The following USP50 variants were observed in gnomAD, a reference collection of about 807,000 sequenced individuals.
The protein encoded by USP50 is ubiquitin specific peptidase 50, also known as ubiquitin carboxyl-terminal hydrolase 50.
In USP50, 37 loss-of-function variants were observed where a neutral mutation model predicts 39.2. That is an observed-to-expected ratio of 0.94 (90% CI 0.73 to 1.24). The LOEUF is 1.24. USP50 is among the 50% of genes most tolerant of loss of function. USP50 has a pLI of 0.00. For synonymous variants in USP50, 139 were observed against 144.5 expected (o/e 0.96, Z 0.27); for missense variants, 374 against 398.2 (o/e 0.94, Z 0.52).
At chr15:50,511,109 T>C (rs2052733993) in intron 6 of USP50, 1 of 152,216 alleles carries the variant, frequency 6.6e-6, no homozygotes, top group South Asian at 2.1e-4. Flanking sequence ...TACAATTCTT[T>C]CAGATTTTCT....
intron 6 of USP50, chr15:50,505,213 A>G (rs1048860016): frequency 1.3e-5 from 2 of 152,162 alleles, no homozygotes; most frequent in Non-Finnish European, 2.9e-5. Flanking sequence ...TAGGAAATGC[A>G]GCGAGCCAGG....
At chr15:50,520,947 A>G (rs2052845181) in intron 6 of USP50, among the ~76,000 whole-genome samples, 1 of 152,224 alleles carries the variant, frequency 6.6e-6, no homozygotes, top group Admixed American at 6.5e-5. Context: ...TATTATTTGT[A>G]TATTTCAAAA....
At chr15:50,502,478 C>G (rs1046443079) in intron 6 of USP50, 1 of 152,378 alleles carries the variant, frequency 6.6e-6, no homozygotes, top group African/African-American at 2.4e-5. Context: ...AAGCTCTTCT[C>G]CTGCCTCAGC....
downstream of USP50, among the ~76,000 whole-genome samples, chr15:50,496,432 G>A (rs1249823473): frequency 1.4e-5 from 2 of 142,686 alleles, no homozygotes; most frequent in African/African-American, 5.3e-5. Flanking sequence ...AGTGAGCTGA[G>A]ATCTCGCCAC....
At chr15:50,523,773 GA>G (rs1156489465) in intron 6 of USP50, among the ~76,000 whole-genome samples, 1 of 152,082 alleles carries the variant, frequency 6.6e-6, no homozygotes, top group South Asian at 2.1e-4. Flanking sequence ...TACAGAAATA[GA>G]AAAAAATCCT....
intron 1 of USP50, among the ~76,000 whole-genome samples, chr15:50,494,453 T>G (rs1451106941): frequency 6.6e-6 from 1 of 152,260 alleles, no homozygotes; most frequent in South Asian, 2.1e-4. Context: ...TTGAAGCATA[T>G]ACAGTTGGTA....
In USP50 at chr15:50,541,176, G is replaced by A. The variant is rs2053026595; in HGVS notation, c.533C>T (p.Thr178Ile). ...ATTGAGCTGCTCTTCAAACAGCTGGGTGATGATGGATGTCTCAGTGGTAAT... is the reference window on the plus strand; with the variant it reads ...ATTGAGCTGCTCTTCAAACAGCTGGATGATGATGGATGTCTCAGTGGTAAT... ...KWITTETSII[T>I]QLFEEQLNYS... The change falls in exon 4 of 7, where the codon ACC becomes ATC. Residue 178 changes from threonine (T) to isoleucine (I), a missense_variant. Thr to Ile is a moderately conservative substitution (Grantham distance 89). Coordinates refer to ENST00000532404, the MANE Select transcript of USP50 (RefSeq NM_203494.5). The A allele has an allele frequency of 6.2e-7, 1 of 1,613,764 alleles. No homozygotes were observed. Among genetic ancestry groups the A allele is most frequent in the Admixed American group, 1.7e-5 (1 of 59,988 alleles).
chr15:50,496,982 T>C (rs1363917001), downstream of USP50: 3 of 1,366,584 alleles, frequency 2.2e-6, no homozygotes, highest in African/African-American at 3.0e-5. Flanking sequence ...TTGTGTAGAT[T>C]GCTGTTGAAT....
intron 3 of USP50, among the ~76,000 whole-genome samples, chr15:50,541,498 G>A (rs2053029836): frequency 6.6e-6 from 1 of 151,984 alleles, no homozygotes. Context: ...GGGTGACAGA[G>A]TGAGACCATG....
chr15:50,535,292 G>A (rs950507419), intron 5 of USP50, among the ~76,000 whole-genome samples: 2 of 152,108 alleles, frequency 1.3e-5, no homozygotes, highest in East Asian at 1.9e-4. Flanking sequence ...TAAACTCAAC[G>A]ACACCATCTG....
In USP50 at chr15:50,534,508, G is replaced by A. The variant is rs1034376091; in HGVS notation, c.803+4201C>T. ...AAATACAACAGATATTTAACCCAAC[G>A]GCATCAACAATCACTTTGAATGTCG... On this transcript the variant is annotated intron_variant, in intron 5 of 6. Coordinates refer to ENST00000532404, the MANE Select transcript of USP50 (RefSeq NM_203494.5). 4.6e-5 allele frequency among the ~76,000 whole-genome samples: 7 copies of A among 151,936 alleles called. 1 individual carries two copies. The highest frequency in any genetic ancestry group is 4.2e-4 in the South Asian group (2 of 4,792).
intron 4 of USP50, among the ~76,000 whole-genome samples, chr15:50,539,151 A>G (rs1035632562): frequency 4.9e-5 from 7 of 144,272 alleles, no homozygotes; most frequent in Non-Finnish European, 1.0e-4. Flanking sequence ...GCTCTGTCAC[A>G]CAGGCTGGAG....
At chr15:50,494,757 G>C (rs145562151) in intron 1 of USP50, among the ~76,000 whole-genome samples, 31 of 152,288 alleles carry the variant, frequency 2.0e-4, no homozygotes, top group Admixed American at 7.8e-4. Context: ...GCTTATGCCT[G>C]TAATCCCAGT....
chr15:50,508,411 T>C (rs1045276156), intron 6 of USP50: 4 of 152,232 alleles, frequency 2.6e-5, no homozygotes, highest in Non-Finnish European at 4.4e-5. Flanking sequence ...GATGGATGCA[T>C]GGCGGTTTGT....
intron 6 of USP50, chr15:50,506,087 G>GT (rs1393060957): frequency 2.0e-5 from 3 of 152,156 alleles, no homozygotes; most frequent in Non-Finnish European, 4.4e-5. Context: ...GAAAGCTGTC[G>GT]TTTTTTAGCA....
chr15:50,533,142 T>A (rs2052954352), intron 5 of USP50, among the ~76,000 whole-genome samples: 1 of 144,100 alleles, frequency 6.9e-6, no homozygotes. Context: ...CCCCTCCCCC[T>A]GCCCCCACCA....
downstream of USP50, chr15:50,493,085 A>G (rs530018572): frequency 1.2e-5 from 9 of 742,788 alleles, no homozygotes; most frequent in Admixed American, 1.0e-4. Flanking sequence ...GCCATCGTCT[A>G]GGTGCCGGCA....
At chr15:50,538,160 C>T (rs1257497475) in intron 5 of USP50, among the ~76,000 whole-genome samples, 1 of 150,048 alleles carries the variant, frequency 6.7e-6, no homozygotes, top group Non-Finnish European at 1.5e-5. Flanking sequence ...ACCTGTAGTC[C>T]CAGCTACTTG....
chr15:50,504,823 AC>A (rs931342418), intron 6 of USP50: 8 of 108,226 alleles, frequency 7.4e-5, no homozygotes, highest in African/African-American at 3.1e-4. Context: ...ATTAAAAAAA[AC>A]AAAAAAAATT....
Sources: gnomAD v4.1 joint callset for allele counts (sites outside exome capture counted in the v4.1 genomes callset) on GRCh38, gnomAD v4.1.1 for gene constraint, MANE v1.5 for transcripts, NCBI Gene and HGNC (gene_info 2026-07-23, HGNC 2026-07-21) for gene names.